Variants in GLI3 observed in about 807,000 individuals in gnomAD.
The protein encoded by GLI3 is GLI family zinc finger 3.
A neutral mutation model predicts 100.8 loss-of-function variants in GLI3; 20 were observed. The ratio of observed to expected loss-of-function variants is 0.20; its 90% CI spans 0.14 to 0.29. The LOEUF (loss-of-function observed/expected upper bound fraction) is 0.29. GLI3 is among the 10% of genes least tolerant of loss of function. GLI3 has a pLI of 1.00. For synonymous variants in GLI3, 938 were observed against 860.5 expected (o/e 1.09, Z -1.58); for missense variants, 2,040 against 2,128.5 (o/e 0.96, Z 0.82).
At chr7:42,262,311 G>C (rs1789153851) in intron 1 of GLI3, among the ~76,000 whole-genome samples, 1 of 148,452 alleles carries the variant, frequency 6.7e-6, no homozygotes, top group Admixed American at 6.9e-5. Context: ...CCAGGCTGGA[G>C]TGCAGAGGTG....
intron 1 of GLI3, among the ~76,000 whole-genome samples, chr7:42,225,189 T>C (rs1182691309): frequency 6.6e-6 from 1 of 152,206 alleles, no homozygotes; most frequent in African/African-American, 2.4e-5. Flanking sequence ...TCATTGTTTC[T>C]CACTTGGTAC....
In GLI3 at chr7:41,967,784, G is replaced by A. The variant is rs2128707151; in HGVS notation, c.2243C>T (p.Pro748Leu). Residue 748 changes from proline to leucine, a missense_variant, in exon 14 of 15, where the codon CCA (proline) becomes CTA (leucine). Transcript: ENST00000395925. ...IGDLSAIDET[P>L]IMDSTISTAT... ...AGTGGAAATGGTTGAGTCCATGATT[G>A]GGGTTTCATCGATGGCACTGAGGTC... 6.2e-7 allele frequency: 1 copy of A among 1,614,178 alleles called. No individual in the cohort carries two copies. Among genetic ancestry groups the A allele is most frequent in the South Asian group, 1.1e-5 (1 of 91,082 alleles).
intron 10 of GLI3, among the ~76,000 whole-genome samples, chr7:41,981,327 G>A (rs541829447): frequency 6.6e-6 from 1 of 152,324 alleles, no homozygotes; most frequent in South Asian, 2.1e-4. Context: ...AATGCTGTGT[G>A]CTCAGTCATG....
chr7:42,048,362 G>A (rs1261191504), intron 5 of GLI3, 129 bp downstream of exon 5: 2 of 748,046 alleles, frequency 2.7e-6, no homozygotes, highest in Non-Finnish European at 4.9e-6. Context: ...ATGCATGTAA[G>A]GCACAGAGCA....
chr7:42,172,406 G>A (rs1787392373), intron 2 of GLI3: 3 of 612,422 alleles, frequency 4.9e-6, no homozygotes, highest in East Asian at 5.5e-5. Flanking sequence ...TTGCATGGCT[G>A]GCATTTCTAT....
At chr7:42,238,057 C>T (rs112722486), upstream of GLI3, among the ~76,000 whole-genome samples, 2 of 149,836 alleles carry the variant, frequency 1.3e-5, no homozygotes, top group African/African-American at 2.5e-5. Context: ...CGCCCCTCCC[C>T]GGTCTTCACA....
At chr7:42,168,315 G>A (rs1787285366) in intron 2 of GLI3, among the ~76,000 whole-genome samples, 1 of 152,174 alleles carries the variant, frequency 6.6e-6, no homozygotes, top group Admixed American at 6.5e-5. Flanking sequence ...GATGTTAGGG[G>A]AGAGGAGAGA....
At chr7:41,982,595 GTGAGGC>G (rs1172337002) in intron 10 of GLI3, among the ~76,000 whole-genome samples, 1 of 151,224 alleles carries the variant, frequency 6.6e-6, no homozygotes, top group Non-Finnish European at 1.5e-5. Context: ...TCAGCCACTT[GTGAGGC>G]TGAGGCAGGA....
chr7:42,170,258 A>C (rs1787338551), intron 2 of GLI3, among the ~76,000 whole-genome samples: 1 of 100,488 alleles, frequency 1.0e-5, no homozygotes, highest in Non-Finnish European at 1.9e-5. Context: ...TTTCAAAAAA[A>C]AAAAAAATTA....
chr7:42,133,467 G>A (rs1323590627), intron 3 of GLI3, among the ~76,000 whole-genome samples: 3 of 151,998 alleles, frequency 2.0e-5, no homozygotes, highest in Admixed American at 2.0e-4. Context: ...TAATTGCACC[G>A]AGTTCCCTCC....
chr7:42,217,102 G>A (rs1788393074), intron 2 of GLI3, among the ~76,000 whole-genome samples: 1 of 152,184 alleles, frequency 6.6e-6, no homozygotes, highest in South Asian at 2.1e-4. Context: ...TGATTAGACA[G>A]AGGGTCATTT....
intron 10 of GLI3, among the ~76,000 whole-genome samples, chr7:41,994,392 A>G (rs925708449): frequency 2.6e-5 from 4 of 152,214 alleles, no homozygotes; most frequent in African/African-American, 9.6e-5. Flanking sequence ...CATGACTAAC[A>G]TGTTTGAAGA....
intron 2 of GLI3, among the ~76,000 whole-genome samples, chr7:42,207,084 C>CA (rs1788171154): frequency 6.6e-6 from 1 of 152,142 alleles, no homozygotes; most frequent in Non-Finnish European, 1.5e-5. Context: ...CAAGTCTATA[C>CA]AACCCCTTGG....
chr7:42,224,485 A>T (rs1275584064), intron 1 of GLI3, among the ~76,000 whole-genome samples: 4 of 152,230 alleles, frequency 2.6e-5, no homozygotes, highest in Admixed American at 6.5e-5. Flanking sequence ...ATGCTTAAGA[A>T]CCAGAGGCCA....
intron 1 of GLI3, among the ~76,000 whole-genome samples, chr7:42,236,483 A>AGCGGCGGCGGCCCCC (rs1562796663): frequency 6.6e-6 from 1 of 152,102 alleles, no homozygotes; most frequent in Non-Finnish European, 1.5e-5. Flanking sequence ...GAGAAGCCCC[A>AGCGGCGGCGGCCCCC]GCGGCGGCGG....
At chr7:42,252,271 C>A (rs1336490456) in intron 1 of GLI3, among the ~76,000 whole-genome samples, 1 of 152,076 alleles carries the variant, frequency 6.6e-6, no homozygotes, top group African/African-American at 2.4e-5. Flanking sequence ...TGTTCTCACT[C>A]ATAAGTGGGA....
At chr7:42,071,418 A>G (rs1784782346) in intron 4 of GLI3, among the ~76,000 whole-genome samples, 1 of 152,148 alleles carries the variant, frequency 6.6e-6, no homozygotes, top group Non-Finnish European at 1.5e-5. Context: ...CCCAAATATA[A>G]TTATAAGGTT....
At chr7:42,231,075 G>T (rs960526303) in intron 1 of GLI3, among the ~76,000 whole-genome samples, 1 of 152,148 alleles carries the variant, frequency 6.6e-6, no homozygotes. Context: ...TATTCTTATA[G>T]AACTTGTGTA....
chr7:42,107,522 C>T (rs1302134630), intron 3 of GLI3, among the ~76,000 whole-genome samples: 5 of 152,128 alleles, frequency 3.3e-5, no homozygotes, highest in East Asian at 3.9e-4. Flanking sequence ...CAGGGGACAG[C>T]GAGAGTTCTG....
Sources: gnomAD v4.1 joint callset for allele counts (sites outside exome capture counted in the v4.1 genomes callset) on GRCh38, gnomAD v4.1.1 for gene constraint, MANE v1.5 for transcripts, NCBI Gene and HGNC (gene_info 2026-07-23, HGNC 2026-07-21) for gene names.